Variants in MAGI1 observed in about 807,000 individuals in gnomAD.
The protein encoded by MAGI1 is membrane associated guanylate kinase, WW and PDZ domain containing 1, also known as membrane-associated guanylate kinase, WW and PDZ domain-containing protein 1.
A neutral mutation model predicts 139.9 loss-of-function variants in MAGI1; 58 were observed. The observed-to-expected ratio is 0.41, with a 90% confidence interval of 0.34 to 0.52. The LOEUF (loss-of-function observed/expected upper bound fraction) is 0.52, where lower values mean the gene tolerates loss of function less well. Among genes scored for constraint, MAGI1 ranks in the 20% least tolerant of loss-of-function variants. The probability of loss-of-function intolerance (pLI) is 0.12; values close to 1 mark genes in which losing one functional copy is unlikely to be tolerated. For synonymous variants in MAGI1, 812 were observed against 737.9 expected, an observed-to-expected ratio of 1.10 and a Z score of -1.63; for missense variants, 1,874 against 1,901.6, an observed-to-expected ratio of 0.99 and a Z score of 0.27.
chr3:65,505,972 A>C (rs919951836), intron 2 of MAGI1, among the ~76,000 whole-genome samples: 13 of 152,190 alleles, frequency 8.5e-5, no homozygotes, highest in Non-Finnish European at 1.3e-4. Flanking sequence ...CTCTTCATCA[A>C]TTTAACAGCT....
intron 1 of MAGI1, among the ~76,000 whole-genome samples, chr3:65,870,260 A>G (rs2059893055): frequency 6.6e-6 from 1 of 151,896 alleles, no homozygotes; most frequent in African/African-American, 2.4e-5. Flanking sequence ...CCAGGATCCA[A>G]CGTCAATTCA....
chr3:65,934,101 C>T (rs191048218), intron 1 of MAGI1, among the ~76,000 whole-genome samples: 24 of 152,042 alleles, frequency 1.6e-4, no homozygotes, highest in South Asian at 1.5e-3. Flanking sequence ...AGCCTGGGCA[C>T]GACAGAGCGA....
chr3:65,733,525 A>G (rs1227756536), intron 1 of MAGI1, among the ~76,000 whole-genome samples: 1 of 152,230 alleles, frequency 6.6e-6, no homozygotes, highest in Non-Finnish European at 1.5e-5. Context: ...ATTATCTGTC[A>G]GTGGCAACTG....
intron 1 of MAGI1, among the ~76,000 whole-genome samples, chr3:65,966,009 G>A (rs893847244): frequency 6.6e-6 from 1 of 152,122 alleles, no homozygotes; most frequent in Non-Finnish European, 1.5e-5. Flanking sequence ...ATAGAAGACG[G>A]TATCAATGCC....
intron 1 of MAGI1, among the ~76,000 whole-genome samples, chr3:66,024,090 TG>T (rs1200161318): frequency 6.6e-6 from 1 of 152,026 alleles, no homozygotes; most frequent in Non-Finnish European, 1.5e-5. Context: ...TTTTGTGAGT[TG>T]GTCAGTATCC....
At chr3:65,837,513 C>T (rs2058666428) in intron 1 of MAGI1, among the ~76,000 whole-genome samples, 1 of 152,204 alleles carries the variant, frequency 6.6e-6, no homozygotes, top group African/African-American at 2.4e-5. Flanking sequence ...GGAACCATAA[C>T]CAGTAGATGC....
Position 65,429,510 on chromosome 3 carries a change from C to T in MAGI1, c.2167+10G>A. 2 of 1,588,232 alleles carry T rather than the reference C, an allele frequency of 1.3e-6. No homozygotes were observed. Among genetic ancestry groups the T allele is most frequent in the Admixed American group, 1.8e-5 (1 of 56,498 alleles). On this transcript the variant is annotated intron_variant, in intron 12 of 22. Transcript: ENST00000402939. ...AAAAAAAATTCAAAGAACAAAACAA[C>T]CCTACTTACCTCCTCGTTGCACCAA...
intron 2 of MAGI1, among the ~76,000 whole-genome samples, chr3:65,616,912 G>A (rs1187277420): frequency 1.3e-5 from 2 of 152,186 alleles, no homozygotes; most frequent in African/African-American, 4.8e-5. Flanking sequence ...CACAGGAAAA[G>A]TGGTTGATTT....
chr3:65,457,463 A>C (rs2107519081), intron 5 of MAGI1, among the ~76,000 whole-genome samples: 1 of 152,294 alleles, frequency 6.6e-6, no homozygotes, highest in Non-Finnish European at 1.5e-5. Flanking sequence ...GTTTAAGTAT[A>C]TCTCTCCATT....
chr3:65,960,541 G>A (rs2107077661), intron 1 of MAGI1, among the ~76,000 whole-genome samples: 1 of 152,232 alleles, frequency 6.6e-6, no homozygotes, highest in South Asian at 2.1e-4. Context: ...TGGTCCCTGT[G>A]GTCACCAAAC....
chr3:65,442,757 A>T, intron 8 of MAGI1, 35 bp downstream of exon 8: 2 of 1,523,522 alleles, frequency 1.3e-6, no homozygotes, highest in Non-Finnish European at 1.8e-6. Flanking sequence ...ATAGAGAGGT[A>T]TAAACTAATG....
intron 1 of MAGI1, among the ~76,000 whole-genome samples, chr3:66,024,970 G>C (rs1187968362): frequency 1.3e-5 from 2 of 152,070 alleles, no homozygotes; most frequent in Non-Finnish European, 2.9e-5. Flanking sequence ...ATATTCTCTG[G>C]GGGGGTAAAA....
intron 2 of MAGI1, among the ~76,000 whole-genome samples, chr3:65,517,384 G>A (rs2077956025): frequency 6.6e-6 from 1 of 151,984 alleles, no homozygotes; most frequent in African/African-American, 2.4e-5. Flanking sequence ...TACCTATCCT[G>A]CTTTATCTTT....
chr3:65,971,535 A>C (rs1404515076), intron 1 of MAGI1, among the ~76,000 whole-genome samples: 1 of 152,122 alleles, frequency 6.6e-6, no homozygotes, highest in Non-Finnish European at 1.5e-5. Flanking sequence ...AACATCTTCT[A>C]CTGTCTGCAA....
At chr3:65,783,172 C>G (rs1245397418) in intron 1 of MAGI1, among the ~76,000 whole-genome samples, 2 of 149,240 alleles carry the variant, frequency 1.3e-5, no homozygotes, top group Non-Finnish European at 3.0e-5. Context: ...AAAAAAACAA[C>G]TCTTACAATT....
At chr3:65,555,056 G>A (rs578149589) in intron 2 of MAGI1, among the ~76,000 whole-genome samples, 85 of 152,320 alleles carry the variant, frequency 5.6e-4, no homozygotes, top group Non-Finnish European at 9.0e-4. Flanking sequence ...TATGTAAGAT[G>A]TCAACATTAG....
intron 1 of MAGI1, among the ~76,000 whole-genome samples, chr3:65,753,753 G>T (rs929852534): frequency 1.3e-5 from 2 of 150,168 alleles, no homozygotes; most frequent in African/African-American, 2.5e-5. Context: ...GCAAGTGAAA[G>T]AGTCTAGACT....
chr3:65,685,835 C>G (rs2087979253), intron 1 of MAGI1, among the ~76,000 whole-genome samples: 1 of 152,122 alleles, frequency 6.6e-6, no homozygotes, highest in Admixed American at 6.5e-5. Context: ...CTGAGAGAGA[C>G]AGAAATTAAG....
intron 2 of MAGI1, among the ~76,000 whole-genome samples, chr3:65,557,929 T>C (rs1576314300): frequency 6.6e-6 from 1 of 152,150 alleles, no homozygotes; most frequent in Admixed American, 6.5e-5. Context: ...CCCCCAACCA[T>C]GGCCTCATCC....
Sources: gnomAD v4.1 joint callset for allele counts (sites outside exome capture counted in the v4.1 genomes callset) on GRCh38, gnomAD v4.1.1 for gene constraint, MANE v1.5 for transcripts, NCBI Gene and HGNC (gene_info 2026-07-23, HGNC 2026-07-21) for gene names.